CNTNAP2: variants seen among roughly 807,000 people sequenced by gnomAD.
CNTNAP2 encodes contactin associated protein 2.
A neutral mutation model predicts 155.2 loss-of-function variants in CNTNAP2; 98 were observed. The observed-to-expected ratio is 0.63, with a 90% CI of 0.54 to 0.75. The LOEUF (loss-of-function observed/expected upper bound fraction) is 0.75, where lower values mean the gene tolerates loss of function less well. Ranked by LOEUF, CNTNAP2 falls within the 30% of genes least tolerant of loss-of-function variation. CNTNAP2 has a pLI of 0.00. For missense variants in CNTNAP2, 1,727 were observed against 1,688.1 expected (o/e 1.02, Z -0.40); for synonymous variants, 651 against 631.2 (o/e 1.03, Z -0.47).
rs759637970 is a variant in CNTNAP2, at chr7:147,639,289, G to T, written c.2081G>T (p.Arg694Ile). The part of the protein sequence containing the change: ...QYVSYFCKMS[R>I]LLNTPDGSPY... The stretch of plus-strand genomic sequence containing the variant: ...GTCTCCTATTTCTGCAAGATGTCAA[G>T]ATTGTTGAACACCCCAGGTAGGCTG... Residue 694 changes from arginine (R) to isoleucine (I), a missense_variant, in exon 13 of 24, where the codon AGA becomes ATA. Coordinates refer to ENST00000361727, the MANE Select transcript of CNTNAP2 (RefSeq NM_014141.6). The T allele has an allele frequency of 6.2e-7, 1 of 1,614,036 alleles. No homozygotes were observed. Among genetic ancestry groups the T allele is most frequent in the South Asian group, 1.1e-5 (1 of 91,082 alleles).
At chr7:147,960,588 G>T (rs1475410495) in intron 14 of CNTNAP2, among the ~76,000 whole-genome samples, 2 of 152,120 alleles carry the variant, frequency 1.3e-5, no homozygotes, top group Admixed American at 1.3e-4. Flanking sequence ...CATTGTAATT[G>T]TACAATAGTG....
At position 147,280,548 on chromosome 7, in the gene CNTNAP2, C is replaced by G. The variant is rs556092785; in HGVS notation, c.1349-19593C>G. 5.0e-4 allele frequency among the ~76,000 whole-genome samples: 76 copies of G among 151,888 alleles called. 3 individuals carry two copies. The South Asian group carries it at 0.015, about 31-fold the overall frequency. On this transcript the variant is annotated intron_variant, in intron 8 of 23. Transcript: ENST00000361727. ...ATTTGTAGTGCCCTTTGGGAAAGAACATTTTCTCTTTTAAAAGCCACACAA... is the reference window on the plus strand; with the variant it reads ...ATTTGTAGTGCCCTTTGGGAAAGAAGATTTTCTCTTTTAAAAGCCACACAA...
chr7:147,773,120 G>A (rs1000261691), intron 13 of CNTNAP2, among the ~76,000 whole-genome samples: 1 of 152,160 alleles, frequency 6.6e-6, no homozygotes, highest in Non-Finnish European at 1.5e-5. Flanking sequence ...GGCCTAGCAT[G>A]CATAGGATCT....
intron 17 of CNTNAP2, among the ~76,000 whole-genome samples, chr7:148,169,663 T>A (rs1439496689): frequency 6.6e-6 from 1 of 152,044 alleles, no homozygotes; most frequent in Non-Finnish European, 1.5e-5. Context: ...CATTTATTGC[T>A]TGGAAAATGT....
chr7:148,307,637 A>C (rs990810978), intron 21 of CNTNAP2, among the ~76,000 whole-genome samples: 6 of 152,194 alleles, frequency 3.9e-5, no homozygotes, highest in Non-Finnish European at 8.8e-5. Flanking sequence ...CTTTAATGGG[A>C]ATCCTTCAGC....
intron 1 of CNTNAP2, among the ~76,000 whole-genome samples, chr7:146,233,300 C>T (rs1217376561): frequency 2.6e-5 from 4 of 152,076 alleles, no homozygotes; most frequent in African/African-American, 4.8e-5. Context: ...ATTCACCTTG[C>T]GATGAGGTCA....
intron 1 of CNTNAP2, among the ~76,000 whole-genome samples, chr7:146,413,110 C>T (rs184575875): frequency 6.6e-6 from 1 of 152,128 alleles, no homozygotes; most frequent in Non-Finnish European, 1.5e-5. Flanking sequence ...CAGCAAAATG[C>T]AGCCACATAA....
At chr7:146,673,926 A>G (rs1259363793) in intron 1 of CNTNAP2, among the ~76,000 whole-genome samples, 1 of 152,218 alleles carries the variant, frequency 6.6e-6, no homozygotes, top group Non-Finnish European at 1.5e-5. Context: ...CAAATTAGCC[A>G]GTCAGAGTGT....
At chr7:147,513,834 G>A (rs1271539565) in intron 11 of CNTNAP2, among the ~76,000 whole-genome samples, 2 of 152,138 alleles carry the variant, frequency 1.3e-5, no homozygotes, top group East Asian at 1.9e-4. Context: ...ATCTGCACCC[G>A]GGGGATATGC....
intron 12 of CNTNAP2, among the ~76,000 whole-genome samples, chr7:147,633,015 C>T (rs1020123543): frequency 6.6e-6 from 1 of 152,186 alleles, no homozygotes; most frequent in Non-Finnish European, 1.5e-5. Flanking sequence ...AAGAAAACTC[C>T]GTTTTCTGGT....
rs1383349090 is a variant in CNTNAP2, at chr7:148,416,346, T to TAATA, written c.*731_*734dup. 6 of 152,474 alleles carry TAATA rather than the reference T, an allele frequency of 3.9e-5. No homozygotes were observed. Among genetic ancestry groups the TAATA allele is most frequent in the African/African-American group, 1.2e-4 (5 of 41,568 alleles). 9.4% of individuals were successfully genotyped at this position (152,474 alleles called of 1,614,324 possible). A position where few individuals can be genotyped will look rare whatever the true frequency, so the allele number is the denominator to read the frequency against. ...TGATTTTTCATTGAATTCTACAAGC[T>TAATA]AATATTGTTCCACGTATGTAGTCTT... On this transcript the variant is annotated 3_prime_UTR_variant, in exon 24 of 24. Transcript: ENST00000361727.
chr7:146,648,070 A>G (rs1032511512), intron 1 of CNTNAP2, among the ~76,000 whole-genome samples: 4 of 152,170 alleles, frequency 2.6e-5, no homozygotes, highest in African/African-American at 9.7e-5. Context: ...AGGACTGCAC[A>G]TGAAAATGAG....
intron 3 of CNTNAP2, among the ~76,000 whole-genome samples, chr7:146,970,384 T>A (rs973648519): frequency 6.6e-6 from 1 of 151,574 alleles, no homozygotes; most frequent in African/African-American, 2.4e-5. Context: ...AACAACCCCA[T>A]CAAAAAGTGG....
At chr7:147,350,370 T>C (rs1584891391) in intron 9 of CNTNAP2, among the ~76,000 whole-genome samples, 2 of 151,948 alleles carry the variant, frequency 1.3e-5, no homozygotes, top group South Asian at 4.1e-4. Context: ...CTATTTCCGA[T>C]GCCCAAGTAA....
At chr7:146,806,307 A>T (rs1391936198) in intron 2 of CNTNAP2, among the ~76,000 whole-genome samples, 1 of 151,754 alleles carries the variant, frequency 6.6e-6, no homozygotes, top group Non-Finnish European at 1.5e-5. Context: ...CCTGATCAAC[A>T]TTGTGAAACC....
intron 15 of CNTNAP2, among the ~76,000 whole-genome samples, chr7:148,040,475 T>C (rs1447824068): frequency 6.6e-6 from 1 of 152,198 alleles, no homozygotes; most frequent in Non-Finnish European, 1.5e-5. Flanking sequence ...TTTTCAACTT[T>C]CTAGGTGGTT....
At chr7:146,809,836 A>G (rs1471873938) in intron 2 of CNTNAP2, among the ~76,000 whole-genome samples, 4 of 152,164 alleles carry the variant, frequency 2.6e-5, no homozygotes, top group Non-Finnish European at 4.4e-5. Flanking sequence ...TTTGCTGTAC[A>G]GAAGTTTTTA....
intron 4 of CNTNAP2, chr7:147,081,583 T>TTGTGTGTGTGTG (rs5888236): frequency 4.4e-4 from 56 of 128,310 alleles, no homozygotes; most frequent in African/African-American, 1.4e-3. Context: ...CCCGGCTAAT[T>TTGTGTGTGTGTG]TGTGTGTGTG....
chr7:147,379,293 T>C (rs1444017882), intron 9 of CNTNAP2, among the ~76,000 whole-genome samples: 2 of 152,150 alleles, frequency 1.3e-5, no homozygotes, highest in Non-Finnish European at 2.9e-5. Flanking sequence ...AATTTATGAA[T>C]GTTTTATTTC....
Sources: gnomAD v4.1 joint callset for allele counts (sites outside exome capture counted in the v4.1 genomes callset) on GRCh38, gnomAD v4.1.1 for gene constraint, MANE v1.5 for transcripts, NCBI Gene and HGNC (gene_info 2026-07-23, HGNC 2026-07-21) for gene names.